The following ASCC1 variants were observed in gnomAD, a reference collection of about 807,000 sequenced individuals.
ASCC1 encodes activating signal cointegrator 1 complex subunit 1, also known as ASC-1 complex subunit P50.
Under a neutral mutation model 46.6 loss-of-function variants are expected in ASCC1, and 35 were observed. That is an observed-to-expected ratio of 0.75 (90% CI 0.57 to 0.99). The LOEUF (loss-of-function observed/expected upper bound fraction) is 0.99. Among genes scored for constraint, ASCC1 ranks in the 50% least tolerant of loss-of-function variants. ASCC1 has a pLI of 0.00. For missense variants in ASCC1, 376 were observed against 428.7 expected (o/e 0.88, Z 1.09); for synonymous variants, 143 against 146.6 (o/e 0.98, Z 0.18).
intron 9 of ASCC1, among the ~76,000 whole-genome samples, chr10:72,098,765 A>G (rs995033432): frequency 6.6e-6 from 1 of 152,218 alleles, no homozygotes; most frequent in Non-Finnish European, 1.5e-5. Flanking sequence ...GACCCCAAAG[A>G]TCTATTTAGA....
At chr10:72,196,689 A>T in intron 5 of ASCC1, 122 bp downstream of exon 5, 1 of 1,007,148 alleles carries the variant, frequency 9.9e-7, no homozygotes, top group Non-Finnish European at 1.5e-6. Context: ...GCCAAAAGAA[A>T]TAGTTATCTT....
chr10:72,155,007 A>G (rs1469025868), intron 6 of ASCC1, among the ~76,000 whole-genome samples: 2 of 152,224 alleles, frequency 1.3e-5, no homozygotes, highest in African/African-American at 4.8e-5. Context: ...TAAAACTGAT[A>G]TAATAAGTTA....
intron 9 of ASCC1, among the ~76,000 whole-genome samples, chr10:72,106,051 T>C (rs1337942601): frequency 6.6e-6 from 1 of 152,112 alleles, no homozygotes; most frequent in African/African-American, 2.4e-5. Context: ...CTTTCCCAAA[T>C]GAGGCTCGCT....
chr10:72,188,121 C>CTT (rs1169395541), intron 5 of ASCC1, among the ~76,000 whole-genome samples: 156 of 124,418 alleles, frequency 1.3e-3, no homozygotes, highest in Non-Finnish European at 1.8e-3. Flanking sequence ...AATACTTCTT[C>CTT]TTTTTTTTTT....
intron 9 of ASCC1, among the ~76,000 whole-genome samples, chr10:72,117,605 G>T (rs1281257954): frequency 1.3e-5 from 2 of 152,078 alleles, no homozygotes; most frequent in African/African-American, 4.8e-5. Context: ...TAATCTCCAA[G>T]GACCCTCTCA....
At chr10:72,177,084 C>T (rs916548890) in intron 5 of ASCC1, among the ~76,000 whole-genome samples, 4 of 152,028 alleles carry the variant, frequency 2.6e-5, no homozygotes, top group African/African-American at 9.7e-5. Context: ...CATAATATGT[C>T]CTATATGTTA....
intron 5 of ASCC1, among the ~76,000 whole-genome samples, chr10:72,172,432 A>AG (rs1386333148): frequency 0.072 from 10,502 of 146,692 alleles, 1,516 homozygotes; most frequent in African/African-American, 0.26. Context: ...AAAAAAAAAA[A>AG]AAAGAAAAAC....
chr10:72,202,254 G>T (rs1369352698), intron 4 of ASCC1, among the ~76,000 whole-genome samples: 1 of 152,048 alleles, frequency 6.6e-6, no homozygotes, highest in Admixed American at 6.6e-5. Flanking sequence ...ATCACTTGAG[G>T]CCAGAAGTTT....
chr10:72,145,066 A>G (rs1386857067), intron 7 of ASCC1, among the ~76,000 whole-genome samples: 3 of 152,166 alleles, frequency 2.0e-5, no homozygotes, highest in East Asian at 1.9e-4. Flanking sequence ...TGAGTACACA[A>G]TTCCAGGTTG....
intron 6 of ASCC1, among the ~76,000 whole-genome samples, chr10:72,157,940 T>C (rs1849177322): frequency 6.6e-6 from 1 of 152,222 alleles, no homozygotes; most frequent in African/African-American, 2.4e-5. Context: ...GATAGAATTT[T>C]CTCCCTATAC....
chr10:72,160,620 GGA>G (rs1849531689), intron 6 of ASCC1, among the ~76,000 whole-genome samples: 1 of 151,934 alleles, frequency 6.6e-6, no homozygotes, highest in Non-Finnish European at 1.5e-5. Flanking sequence ...CAGCACTTTT[GGA>G]GGCCGAAGCA....
chr10:72,208,041 G>A (rs915785495), intron 3 of ASCC1, among the ~76,000 whole-genome samples: 4 of 151,724 alleles, frequency 2.6e-5, no homozygotes, highest in Admixed American at 6.6e-5. Context: ...GCCCAAGCTG[G>A]GTGGTCTCCA....
chr10:72,201,375 C>T (rs1302043019), intron 4 of ASCC1, among the ~76,000 whole-genome samples: 1 of 152,128 alleles, frequency 6.6e-6, no homozygotes, highest in East Asian at 1.9e-4. Flanking sequence ...TATGCAAAAA[C>T]AATACAATCT....
intron 5 of ASCC1, among the ~76,000 whole-genome samples, chr10:72,164,327 T>C (rs1201467943): frequency 1.3e-5 from 2 of 152,248 alleles, no homozygotes; most frequent in East Asian, 1.9e-4. Context: ...TGACCTCTAG[T>C]TTGCTTTTTG....
At chr10:72,108,141 A>G (rs928743996) in intron 9 of ASCC1, among the ~76,000 whole-genome samples, 1 of 145,362 alleles carries the variant, frequency 6.9e-6, no homozygotes, top group East Asian at 2.0e-4. Context: ...CAGTGGCGTG[A>G]TCACAGCTCA....
Position 72,096,439 on chromosome 10 carries a change from G to A in ASCC1, c.*895C>T, listed in dbSNP as rs1841101985. 1 of 454,042 alleles carries A rather than the reference G, an allele frequency of 2.2e-6. No homozygotes were observed. Among genetic ancestry groups the A allele is most frequent in the South Asian group, 1.6e-5 (1 of 64,480 alleles). The allele number at this position is 454,042 out of a possible 1,614,324, so 28.1% of individuals were successfully genotyped here. ...TCCATCAGGGGCATGGGAAGATGAGGGTGGGGATGGGGTGAAGGAACAGGA... is the reference window on the plus strand; with the variant it reads ...TCCATCAGGGGCATGGGAAGATGAGAGTGGGGATGGGGTGAAGGAACAGGA... On this transcript the variant is annotated 3_prime_UTR_variant, in exon 10 of 10. Transcript: ENST00000672957.
At chr10:72,103,649 G>T (rs1460431708) in intron 9 of ASCC1, among the ~76,000 whole-genome samples, 2 of 152,058 alleles carry the variant, frequency 1.3e-5, no homozygotes, top group Non-Finnish European at 2.9e-5. Flanking sequence ...GACCTATGAA[G>T]GCCGTCCTGT....
chr10:72,168,014 C>T (rs775639745), intron 5 of ASCC1, among the ~76,000 whole-genome samples: 1 of 152,044 alleles, frequency 6.6e-6, no homozygotes, highest in African/African-American at 2.4e-5. Context: ...CACAGTGAAA[C>T]CCCGTCTCTA....
chr10:72,096,252 C>T lies in ASCC1; in HGVS notation c.*1082G>A, dbSNP rs1177902299. The T allele has an allele frequency of 4.4e-6, 2 of 453,860 alleles. No individual in the cohort carries two copies. The highest frequency in any genetic ancestry group is 4.7e-5 in the Admixed American group (2 of 42,534). The allele number at this position is 453,860 out of a possible 1,614,324, so 28.1% of individuals were successfully genotyped here. A position where few individuals can be genotyped will look rare whatever the true frequency, so the allele number is the denominator to read the frequency against. ...AGGCAGGGGTGGGAGGCTGGGGCTC[C>T]CCAGCATTCCCGCCTCCCTCTGCTG... On this transcript the variant is annotated 3_prime_UTR_variant, in exon 10 of 10. Transcript: ENST00000672957.
Sources: allele counts gnomAD v4.1 joint callset (sites outside exome capture counted in the v4.1 genomes callset), GRCh38; gene constraint gnomAD v4.1.1; transcripts MANE v1.5; gene names NCBI Gene and HGNC (gene_info 2026-07-23, HGNC 2026-07-21).